Variants in ATP10B observed in about 807,000 individuals in gnomAD.
ATP10B encodes ATPase phospholipid transporting 10B (putative).
ATP10B carries 122 observed loss-of-function variants against 141.2 expected under a neutral mutation model. The observed-to-expected ratio is 0.86, with a 90% CI of 0.75 to 1.00. The LOEUF (loss-of-function observed/expected upper bound fraction) is 1.00, where lower values mean the gene tolerates loss of function less well. Ranked by LOEUF, ATP10B falls within the 50% of genes least tolerant of loss-of-function variation. The pLI, the probability that ATP10B is intolerant of heterozygous loss-of-function variation, is 0.00. For synonymous variants in ATP10B, 685 were observed against 692.0 expected (o/e 0.99, Z 0.16); for missense variants, 1,876 against 1,825.3 (o/e 1.03, Z -0.51).
At chr5:160,859,356 A>G in the ATP10B span, among the ~76,000 whole-genome samples, 21 of 151,810 alleles carry the variant, frequency 1.4e-4, no homozygotes, top group Non-Finnish European at 2.4e-4. Context: ...GTAAGCCATT[A>G]TTCTTTTTCT....
At chr5:160,920,956 T>A in the ATP10B span, among the ~76,000 whole-genome samples, 5 of 152,184 alleles carry the variant, frequency 3.3e-5, no homozygotes, top group Admixed American at 1.3e-4. Context: ...TTTTCTCTCT[T>A]TTTAAAGGTT....
the ATP10B span, among the ~76,000 whole-genome samples, chr5:160,901,377 C>T: frequency 2.0e-5 from 3 of 152,140 alleles, no homozygotes; most frequent in African/African-American, 7.2e-5. Context: ...GTTATGTCTG[C>T]TTTGTTTCTC....
chr5:160,801,117 C>CT (rs890624122), intron 1 of ATP10B, among the ~76,000 whole-genome samples: 1 of 152,158 alleles, frequency 6.6e-6, no homozygotes, highest in African/African-American at 2.4e-5. Context: ...CAGGAATCCA[C>CT]TAACGATGTA....
At chr5:160,775,296 T>G (rs1313572078) in intron 2 of ATP10B, among the ~76,000 whole-genome samples, 1 of 152,222 alleles carries the variant, frequency 6.6e-6, no homozygotes, top group Non-Finnish European at 1.5e-5. Flanking sequence ...ACAGAGGTCT[T>G]TGAAAATGCA....
intron 3 of ATP10B, among the ~76,000 whole-genome samples, chr5:160,702,069 C>T (rs970207270): frequency 1.3e-5 from 2 of 152,184 alleles, no homozygotes; most frequent in Non-Finnish European, 2.9e-5. Context: ...TACCCCTCTA[C>T]CCTATTGCCT....
In ATP10B at chr5:160,622,656, C is replaced by G. The variant is rs576828323; in HGVS notation, c.1621-71G>C. 2.8e-4 allele frequency: 392 copies of G among 1,390,838 alleles called. 1 individual carries two copies. The African/African-American group carries it at 5.0e-3, about 18-fold the overall frequency. The allele number at this position is 1,390,838 out of a possible 1,614,324, so 86.2% of individuals were successfully genotyped here. On this transcript the variant is annotated intron_variant, in intron 13 of 25. Coordinates refer to ENST00000327245, the MANE Select transcript of ATP10B (RefSeq NM_025153.3). ...CCACTCCAGAAGAATCTTCACATGCCTGGGGAAAGGATGATGCAGCTTCAT... is the reference window on the plus strand; with the variant it reads ...CCACTCCAGAAGAATCTTCACATGCGTGGGGAAAGGATGATGCAGCTTCAT...
At chr5:160,830,415 T>C (rs1245888868) in intron 1 of ATP10B, among the ~76,000 whole-genome samples, 1 of 152,146 alleles carries the variant, frequency 6.6e-6, no homozygotes, top group Non-Finnish European at 1.5e-5. Context: ...AATACATGTG[T>C]GCTGAATAAA....
At chr5:160,906,111 A>T in the ATP10B span, among the ~76,000 whole-genome samples, 1 of 152,226 alleles carries the variant, frequency 6.6e-6, no homozygotes, top group Non-Finnish European at 1.5e-5. Flanking sequence ...AAGCTGGGAA[A>T]GATAGGTCCT....
intron 2 of ATP10B, among the ~76,000 whole-genome samples, chr5:160,780,548 A>T (rs1276240531): frequency 6.6e-6 from 1 of 152,108 alleles, no homozygotes. Flanking sequence ...TAACAACTTC[A>T]CTTCTATCTG....
intron 2 of ATP10B, among the ~76,000 whole-genome samples, chr5:160,780,795 A>G (rs967204368): frequency 1.3e-5 from 2 of 152,210 alleles, no homozygotes; most frequent in African/African-American, 4.8e-5. Context: ...TTACTGCACT[A>G]CATTCTAGGG....
chr5:160,620,641 TGGCTGG>T lies in ATP10B; in HGVS notation c.2116_2121del (p.Pro706_Ala707del), dbSNP rs757776028. 5.0e-6 allele frequency: 8 copies of T among 1,613,588 alleles called. No homozygotes were observed. The East Asian group carries it at 1.8e-4, about 36-fold the overall frequency. On this transcript the variant is annotated inframe_deletion, in exon 15 of 26. Coordinates refer to ENST00000327245, the MANE Select transcript of ATP10B (RefSeq NM_025153.3). ...CAGAACTCAGGCCTGGCCAGGTCTG[TGGCTGG>T]GGCCTCCAATGCCTCCTCCAAGGAA...
chr5:160,805,759 C>A (rs1772727233), intron 1 of ATP10B, among the ~76,000 whole-genome samples: 1 of 152,158 alleles, frequency 6.6e-6, no homozygotes, highest in Non-Finnish European at 1.5e-5. Context: ...GTGTGAGCAG[C>A]CGGCTCCAGA....
chr5:160,691,110 A>G (rs1325413271), intron 3 of ATP10B, among the ~76,000 whole-genome samples: 2 of 152,202 alleles, frequency 1.3e-5, no homozygotes, highest in Non-Finnish European at 2.9e-5. Context: ...ACAGGAACAG[A>G]AAACCAAACA....
chr5:160,638,439 C>A (rs1343972542), intron 10 of ATP10B, among the ~76,000 whole-genome samples: 4 of 152,144 alleles, frequency 2.6e-5, no homozygotes, highest in Non-Finnish European at 5.9e-5. Flanking sequence ...GTTCCTGCAG[C>A]ATCTTGGGGA....
chr5:160,706,541 C>G (rs1006795666), intron 3 of ATP10B, among the ~76,000 whole-genome samples: 4 of 152,174 alleles, frequency 2.6e-5, no homozygotes, highest in African/African-American at 9.7e-5. Flanking sequence ...TTTTCTACCT[C>G]AACGTGAGCC....
the ATP10B span, among the ~76,000 whole-genome samples, chr5:160,888,353 A>G: frequency 1.3e-5 from 2 of 152,304 alleles, no homozygotes; most frequent in South Asian, 2.1e-4. Flanking sequence ...GGCAGCACCA[A>G]TTTTCAGACC....
At chr5:160,859,574 T>TA in the ATP10B span, among the ~76,000 whole-genome samples, 1 of 151,906 alleles carries the variant, frequency 6.6e-6, no homozygotes, top group Non-Finnish European at 1.5e-5. Flanking sequence ...TCTGTATATC[T>TA]AAAATACATC....
the ATP10B span, among the ~76,000 whole-genome samples, chr5:160,919,645 T>G: frequency 1.9e-4 from 29 of 152,332 alleles, no homozygotes; most frequent in African/African-American, 6.5e-4. Flanking sequence ...ATATCTATTC[T>G]CTGATTAGAA....
At chr5:160,820,417 A>G (rs909188530) in intron 1 of ATP10B, among the ~76,000 whole-genome samples, 4 of 152,106 alleles carry the variant, frequency 2.6e-5, no homozygotes, top group African/African-American at 9.7e-5. Context: ...AAAACAAAAA[A>G]AAGCCTGGGA....
Sources: allele counts gnomAD v4.1 joint callset (sites outside exome capture counted in the v4.1 genomes callset), GRCh38; gene constraint gnomAD v4.1.1; transcripts MANE v1.5; gene names NCBI Gene and HGNC (gene_info 2026-07-23, HGNC 2026-07-21).